The following DOT1L variants were observed in gnomAD, a reference collection of about 807,000 sequenced individuals.
DOT1L encodes the protein DOT1 like histone lysine methyltransferase.
Under a neutral mutation model 153.3 loss-of-function variants are expected in DOT1L, and 33 were observed. The ratio of observed to expected loss-of-function variants is 0.22; its 90% CI spans 0.16 to 0.29. The LOEUF (loss-of-function observed/expected upper bound fraction) is 0.29, where lower values mean the gene tolerates loss of function less well. Among genes scored for constraint, DOT1L ranks in the 10% least tolerant of loss-of-function variants. The probability of loss-of-function intolerance (pLI) is 1.00; values close to 1 mark genes in which losing one functional copy is unlikely to be tolerated. For missense variants in DOT1L, 1,847 were observed against 2,119.9 expected, an observed-to-expected ratio of 0.87 and a Z score of 2.53; for synonymous variants, 1,135 against 965.1, an observed-to-expected ratio of 1.18 and a Z score of -3.26.
intron 27 of DOT1L, 40 bp from the exon 28 acceptor site, chr19:2,229,745 G>A: frequency 1.2e-6 from 2 of 1,612,620 alleles, no homozygotes; most frequent in East Asian, 2.2e-5. Flanking sequence ...CAGGCGCGAT[G>A]GTAACCTCAG....
At position 2,199,922 on chromosome 19, in the gene DOT1L, G is replaced by A. The variant is rs368600964; in HGVS notation, c.690G>A (p.Glu230=). The change falls in exon 8 of 28, where the codon GAG becomes GAA. Residue 230 remains glutamate, a synonymous_variant. Coordinates refer to ENST00000398665, the MANE Select transcript of DOT1L (RefSeq NM_032482.3). The part of the protein sequence containing the change: ...RGDFLSEEWR[E]RIANTSVIFV... Reference sequence around the variant, plus strand: ...ATTTCCTCTCAGAAGAGTGGAGGGAGCGAATCGCCAACACGAGGTATGGCC... The same window carrying A: ...ATTTCCTCTCAGAAGAGTGGAGGGAACGAATCGCCAACACGAGGTATGGCC... The A allele has an allele frequency of 1.2e-6, 2 of 1,613,918 alleles. No individual in the cohort carries two copies. The highest frequency in any genetic ancestry group is 1.7e-5 in the Admixed American group (1 of 59,984).
rs780385339 is a variant in DOT1L, at chr19:2,226,661, G to A, written c.4140G>A (p.Lys1380=). The stretch of plus-strand genomic sequence containing the variant: ...AGCTGGACGGCCTGGCTGGGCTGAA[G>A]GGCGAGGGCAGCCGCGGCAAGGAGG... ...KRQLDGLAGL[K]GEGSRGKEAG... Residue 1380 remains lysine, a synonymous_variant, in exon 27 of 28, where the codon AAG becomes AAA. Coordinates refer to ENST00000398665, the MANE Select transcript of DOT1L (RefSeq NM_032482.3). 6 of 1,580,782 alleles carry A rather than the reference G, an allele frequency of 3.8e-6. No individual in the cohort carries two copies. Among genetic ancestry groups the A allele is most frequent in the Non-Finnish European group, 5.1e-6 (6 of 1,167,318 alleles).
Position 2,207,871 on chromosome 19 carries a change from G to C in DOT1L, c.963+191G>C, listed in dbSNP as rs573842033. Among the ~76,000 whole-genome samples the C allele has an allele frequency of 3.3e-5, 5 of 152,142 alleles. No homozygotes were observed. In the East Asian group the frequency reaches 9.7e-4, roughly 30 times the overall value. On this transcript the variant is annotated intron_variant, in intron 11 of 27. Coordinates refer to ENST00000398665, the MANE Select transcript of DOT1L (RefSeq NM_032482.3). The surrounding 1 kb of genome is among the most constrained non-coding windows in gnomAD (Gnocchi z 4.5). Reference sequence around the variant, plus strand: ...CTGCTTGCACCGCAGGACCCACCAGGGTCCTCCCAGGCACTGGGCGTGTCC... The same window carrying C: ...CTGCTTGCACCGCAGGACCCACCAGCGTCCTCCCAGGCACTGGGCGTGTCC...
At chr19:2,183,463 T>C (rs4368272) in intron 2 of DOT1L, among the ~76,000 whole-genome samples, 12,449 of 152,010 alleles carry the variant, frequency 0.082, 911 homozygotes, top group African/African-American at 0.19. Flanking sequence ...TTAAAGATGA[T>C]TGGGCTGTCC....
In DOT1L at chr19:2,190,970, G is replaced by A. The variant is rs943495021; in HGVS notation, c.265-42G>A. Reference sequence around the variant, plus strand: ...GTCTTGGTGGTGGAGGGGCTGGGCCGTGAGGTTTATGTGACATGGCCGGGC... The same window carrying A: ...GTCTTGGTGGTGGAGGGGCTGGGCCATGAGGTTTATGTGACATGGCCGGGC... On this transcript the variant is annotated intron_variant, in intron 4 of 27. Transcript: ENST00000398665. The surrounding 1 kb of genome is among the most constrained non-coding windows in gnomAD (Gnocchi z 4.8). The A allele has an allele frequency of 9.8e-6, 15 of 1,534,350 alleles. 1 individual carries two copies. Among genetic ancestry groups the A allele is most frequent in the Admixed American group, 3.8e-5 (2 of 52,260 alleles).
At position 2,199,951 on chromosome 19, in the gene DOT1L, G is replaced by C. The variant is rs200310615; in HGVS notation, c.707+12G>C. 2.5e-6 allele frequency: 4 copies of C among 1,613,578 alleles called. No homozygotes were observed. The highest frequency in any genetic ancestry group is 2.5e-6 in the Non-Finnish European group (3 of 1,179,734). On this transcript the variant is annotated intron_variant, in intron 8 of 27. Transcript: ENST00000398665. ...ATCGCCAACACGAGGTATGGCCAGC[G>C]TGGGGCATGCAGGGCATGTGGGGTG...
In DOT1L at chr19:2,217,934, G is replaced by C. The variant is rs760823804; in HGVS notation, c.2691+16G>C. On this transcript the variant is annotated intron_variant, in intron 22 of 27. Coordinates refer to ENST00000398665, the MANE Select transcript of DOT1L (RefSeq NM_032482.3). This position sits in a 1 kb window ranked among gnomAD's most constrained non-coding sequence, Gnocchi z 7.3. ...CGAGAGGGCGGTGAGTGGCTCCCAG[G>C]TGGCTGTCCCCAAGGGCCACGTTGA... is the stretch of plus-strand genomic sequence containing the variant. The C allele has an allele frequency of 5.4e-5, 87 of 1,608,768 alleles. No individual in the cohort carries two copies. The Middle Eastern group carries it at 3.4e-3, about 64-fold the overall frequency.
intron 9 of DOT1L, among the ~76,000 whole-genome samples, chr19:2,206,105 C>G (rs1379493403): frequency 6.6e-6 from 1 of 151,912 alleles, no homozygotes; most frequent in Admixed American, 6.6e-5. Flanking sequence ...TCAAGTGATT[C>G]TCCTGCCTCA....
intron 2 of DOT1L, among the ~76,000 whole-genome samples, chr19:2,183,586 G>C (rs77660303): frequency 0.042 from 6,434 of 151,874 alleles, 203 homozygotes; most frequent in East Asian, 0.14. Context: ...CTTGGGGAAA[G>C]GGGCGTTTAA....
Position 2,226,992 on chromosome 19 carries a change from T to C in DOT1L, c.4471T>C (p.Ser1491Pro), listed in dbSNP as rs1055794648. Residue 1491 changes from serine to proline, a missense_variant, in exon 27 of 28, where the codon TCC becomes CCC. Transcript: ENST00000398665. ...GGCCAACCTCGGCTCCGTGGCCGGC[T>C]CCTCCGTGCTGCAGTCGCTGTTCAG... Reference protein sequence around the residue: ...LQANLGSVAGSSVLQSLFSSV... With the variant: ...LQANLGSVAGPSVLQSLFSSV... The C allele has an allele frequency of 1.9e-6, 3 of 1,591,454 alleles. No homozygotes were observed. The highest frequency in any genetic ancestry group is 2.5e-6 in the Non-Finnish European group (3 of 1,176,642).
At position 2,229,907 on chromosome 19, in the gene DOT1L, G is replaced by A. The variant is rs568685405; in HGVS notation, c.*115G>A. 15 of 1,585,516 alleles carry A rather than the reference G, an allele frequency of 9.5e-6. No homozygotes were observed. Among genetic ancestry groups the A allele is most frequent in the South Asian group, 8.8e-5 (8 of 90,462 alleles). ...ACCCCTGGACGGCAGAGGCAAGGAC[G>A]GACGGGAGCTCCACTGTGAATCGGC... is the stretch of plus-strand genomic sequence containing the variant. On this transcript the variant is annotated 3_prime_UTR_variant, in exon 28 of 28. Transcript: ENST00000398665.
chr19:2,175,982 A>C (rs553775649), intron 1 of DOT1L, among the ~76,000 whole-genome samples: 2 of 152,026 alleles, frequency 1.3e-5, no homozygotes, highest in African/African-American at 4.8e-5. Flanking sequence ...TGCTCTAGAC[A>C]TGGGCCCTGG....
At chr19:2,174,439 G>T (rs2021805696) in intron 1 of DOT1L, among the ~76,000 whole-genome samples, 1 of 152,060 alleles carries the variant, frequency 6.6e-6, no homozygotes, top group Non-Finnish European at 1.5e-5. Flanking sequence ...GTAATCCCAG[G>T]ACTTGGGGAG....
At chr19:2,189,257 C>T (rs901778493) in intron 3 of DOT1L, among the ~76,000 whole-genome samples, 2 of 152,230 alleles carry the variant, frequency 1.3e-5, no homozygotes, top group African/African-American at 4.8e-5. Flanking sequence ...CTCACTCCTC[C>T]TGCACCTGCC....
At chr19:2,206,521 C>CAAA (rs5826758) in intron 9 of DOT1L, among the ~76,000 whole-genome samples, 2 of 80,700 alleles carry the variant, frequency 2.5e-5, no homozygotes, top group African/African-American at 4.8e-5. Context: ...GACTCTGTCT[C>CAAA]AAAAAAAAAA....
chr19:2,226,364 G>A lies in DOT1L; in HGVS notation c.3843G>A (p.Glu1281=), dbSNP rs372718659. 15 of 1,592,740 alleles carry A rather than the reference G, an allele frequency of 9.4e-6. No homozygotes were observed. The highest frequency in any genetic ancestry group is 1.3e-5 in the African/African-American group (1 of 74,668). ...TCACGTTCCGGCCCGCCCTGGAGGA[G>A]CCCTCTGCCGATGCCAAGCTGGCCG... ...SLFTFRPALE[E]PSADAKLAAH... The change falls in exon 27 of 28, where the codon GAG becomes GAA. Residue 1281 remains glutamate, a synonymous_variant. Transcript: ENST00000398665.
chr19:2,186,749 A>G (rs1187711549), intron 3 of DOT1L, among the ~76,000 whole-genome samples: 2 of 152,238 alleles, frequency 1.3e-5, no homozygotes, highest in Non-Finnish European at 2.9e-5. Context: ...CCCCACAGGC[A>G]GACAAGCGTG....
rs1373969443 is a variant in DOT1L at position 2,191,158 on chromosome 19, G to A, written c.411G>A (p.Gly137=). Residue 137 remains glycine, a synonymous_variant, in exon 5 of 28, where the codon GGG becomes GGA. Transcript: ENST00000398665. The surrounding 1 kb of genome is among the most constrained non-coding windows in gnomAD (Gnocchi z 6.8). ...AGCCCTTCTCCCCCGAGGTGTACGG[G>A]GAGACCTCCTTCGACCTGGTGGCCC... is the stretch of plus-strand genomic sequence containing the variant. ...NYEPFSPEVY[G]ETSFDLVAQM... is the part of the protein sequence containing the mutation. 3.1e-6 allele frequency: 5 copies of A among 1,613,570 alleles called. No individual in the cohort carries two copies. Among genetic ancestry groups the A allele is most frequent in the Non-Finnish European group, 3.4e-6 (4 of 1,179,958 alleles).
chr19:2,181,188 C>T (rs576175212), intron 2 of DOT1L, among the ~76,000 whole-genome samples: 1 of 152,360 alleles, frequency 6.6e-6, no homozygotes, highest in South Asian at 2.1e-4. Context: ...GCTCCAGGAT[C>T]TGCAGCAACA....
Sources: allele counts gnomAD v4.1 joint callset (sites outside exome capture counted in the v4.1 genomes callset), GRCh38; gene constraint gnomAD v4.1.1; non-coding constraint Gnocchi (gnomAD v3.1); transcripts MANE v1.5; gene names NCBI Gene and HGNC (gene_info 2026-07-23, HGNC 2026-07-21).